NEK7: variants seen among roughly 807,000 people sequenced by gnomAD.
NEK7 encodes NIMA related kinase 7.
Under a neutral mutation model 44.6 loss-of-function variants are expected in NEK7, and 18 were observed. The observed-to-expected ratio is 0.40, with a 90% CI of 0.28 to 0.60. NEK7 has a LOEUF of 0.60. Among genes scored for constraint, NEK7 ranks in the 20% least tolerant of loss-of-function variants. The probability of loss-of-function intolerance (pLI) is 0.38; values close to 1 mark genes in which losing one functional copy is unlikely to be tolerated. For missense variants in NEK7, 256 were observed against 366.5 expected (o/e 0.70, Z 2.46); for synonymous variants, 130 against 121.1 (o/e 1.07, Z -0.48).
intron 2 of NEK7, among the ~76,000 whole-genome samples, chr1:198,247,860 G>A (rs11588135): frequency 0.18 from 26,649 of 152,046 alleles, 3,387 homozygotes; most frequent in African/African-American, 0.33. Flanking sequence ...AGTGTTGCCC[G>A]TATATCAAAA....
At chr1:198,276,462 G>A (rs1654021779) in intron 5 of NEK7, among the ~76,000 whole-genome samples, 1 of 151,612 alleles carries the variant, frequency 6.6e-6, no homozygotes, top group Non-Finnish European at 1.5e-5. Flanking sequence ...TTCCAAGTCT[G>A]AAAGAAAATT....
At chr1:198,255,450 A>T (rs1346343519) in intron 3 of NEK7, among the ~76,000 whole-genome samples, 1 of 152,094 alleles carries the variant, frequency 6.6e-6, no homozygotes, top group African/African-American at 2.4e-5. Flanking sequence ...TCTAGTGATT[A>T]TATTTTACAT....
chr1:198,217,156 T>A (rs917942421), intron 1 of NEK7, among the ~76,000 whole-genome samples: 2 of 151,902 alleles, frequency 1.3e-5, no homozygotes, highest in African/African-American at 4.8e-5. Context: ...ACTGAAAAAG[T>A]AAACTGCGGA....
chr1:198,212,279 G>A (rs1037262748), intron 1 of NEK7, among the ~76,000 whole-genome samples: 4 of 152,210 alleles, frequency 2.6e-5, no homozygotes, highest in East Asian at 1.9e-4. Flanking sequence ...TGTGTCACAG[G>A]TGTTGGACCA....
At position 198,177,758 on chromosome 1, in the gene NEK7, T is replaced by C. The variant is rs78747399; in HGVS notation, c.-29+20482T>C. On this transcript the variant is annotated intron_variant, in intron 1 of 9. Coordinates refer to ENST00000367385, the MANE Select transcript of NEK7 (RefSeq NM_133494.3). Reference sequence around the variant, plus strand: ...CAGTTCCTCAGCTAACCTCGGGTTGTGTGCCAGAAGAAGGATTTCAGTTTT... The same window carrying C: ...CAGTTCCTCAGCTAACCTCGGGTTGCGTGCCAGAAGAAGGATTTCAGTTTT... Among the ~76,000 whole-genome samples, 17 of 152,130 alleles carry C rather than the reference T, an allele frequency of 1.1e-4. No homozygotes were observed. The East Asian group carries it at 3.3e-3, about 29-fold the overall frequency.
intron 1 of NEK7, among the ~76,000 whole-genome samples, chr1:198,226,728 CT>C (rs199662655): frequency 0.34 from 50,867 of 151,644 alleles, 9,733 homozygotes; most frequent in East Asian, 0.8. Flanking sequence ...AGAAGGAGTC[CT>C]TCTAACAATC....
At chr1:198,226,210 A>G (rs1666219814) in intron 1 of NEK7, among the ~76,000 whole-genome samples, 1 of 152,134 alleles carries the variant, frequency 6.6e-6, no homozygotes, top group Admixed American at 6.5e-5. Flanking sequence ...AATGGTGTTA[A>G]ATCAATATGT....
At chr1:198,186,339 G>T (rs778673672) in intron 1 of NEK7, among the ~76,000 whole-genome samples, 8 of 152,120 alleles carry the variant, frequency 5.3e-5, no homozygotes, top group Non-Finnish European at 1.0e-4. Context: ...TTTACCTTTA[G>T]AATTTCCTTT....
intron 1 of NEK7, among the ~76,000 whole-genome samples, chr1:198,211,882 ACAGTAG>A (rs914457452): frequency 2.6e-5 from 4 of 152,234 alleles, no homozygotes; most frequent in African/African-American, 9.6e-5. Context: ...GACGCAGTGG[ACAGTAG>A]CACCATGAAC....
chr1:198,165,947 A>G (rs1219159427), intron 1 of NEK7, among the ~76,000 whole-genome samples: 1 of 152,236 alleles, frequency 6.6e-6, no homozygotes, highest in African/African-American at 2.4e-5. Flanking sequence ...TGCTGCTTCA[A>G]CTTGCATTTT....
At chr1:198,315,169 C>T (rs1571625979) in intron 9 of NEK7, among the ~76,000 whole-genome samples, 1 of 152,192 alleles carries the variant, frequency 6.6e-6, no homozygotes, top group South Asian at 2.1e-4. Context: ...CGGAAAAGCG[C>T]AGTATTCAGG....
chr1:198,184,606 A>C (rs1664862595), intron 1 of NEK7, among the ~76,000 whole-genome samples: 1 of 152,194 alleles, frequency 6.6e-6, no homozygotes, highest in Non-Finnish European at 1.5e-5. Context: ...ACACATGCAC[A>C]CAATGCAACA....
chr1:198,229,946 C>T (rs977543397), intron 1 of NEK7, among the ~76,000 whole-genome samples: 1 of 152,094 alleles, frequency 6.6e-6, no homozygotes, highest in African/African-American at 2.4e-5. Context: ...TTTATTATAA[C>T]CTAGTACAGA....
intron 1 of NEK7, among the ~76,000 whole-genome samples, chr1:198,209,068 CAT>C (rs200762945): frequency 2.1e-4 from 31 of 148,346 alleles, no homozygotes; most frequent in African/African-American, 4.2e-4. Context: ...TACACACACA[CAT>C]ACGCACATAT....
intron 5 of NEK7, among the ~76,000 whole-genome samples, chr1:198,274,794 A>T (rs116716893): frequency 0.025 from 3,732 of 151,838 alleles, 74 homozygotes; most frequent in African/African-American, 0.046. Flanking sequence ...GGTCTTGGTC[A>T]TTTAATTTGT....
chr1:198,266,212 A>G (rs1370317869), intron 5 of NEK7, among the ~76,000 whole-genome samples: 1 of 152,080 alleles, frequency 6.6e-6, no homozygotes, highest in Non-Finnish European at 1.5e-5. Flanking sequence ...CCTTATCTAC[A>G]TCAATACAAC....
chr1:198,319,471 C>G lies in NEK7; in HGVS notation c.858C>G (p.Thr286=). 3.7e-6 allele frequency: 6 copies of G among 1,612,964 alleles called. No individual in the cohort carries two copies. Among genetic ancestry groups the G allele is most frequent in the Non-Finnish European group, 5.1e-6 (6 of 1,179,202 alleles). Residue 286 remains threonine, a synonymous_variant, in exon 10 of 10, where the codon ACC becomes ACG. Transcript: ENST00000367385. Reference sequence around the variant, plus strand: ...ATCCAGAGAAGCGACCAGACGTCACCTATGTTTATGACGTAGCAAAGAGGA... The same window carrying G: ...ATCCAGAGAAGCGACCAGACGTCACGTATGTTTATGACGTAGCAAAGAGGA... ...NPDPEKRPDV[T]YVYDVAKRMH... is the part of the protein sequence containing the mutation.
At chr1:198,171,292 A>G (rs1369354106) in intron 1 of NEK7, among the ~76,000 whole-genome samples, 1 of 152,142 alleles carries the variant, frequency 6.6e-6, no homozygotes, top group African/African-American at 2.4e-5. Flanking sequence ...TTTTTAAAGA[A>G]ATGCTTCTCT....
At chr1:198,172,129 A>G (rs2102722046) in intron 1 of NEK7, among the ~76,000 whole-genome samples, 1 of 152,316 alleles carries the variant, frequency 6.6e-6, no homozygotes, top group Middle Eastern at 3.4e-3. Flanking sequence ...AAACGAGTTA[A>G]TGAATGAGCT....
Sources: allele counts gnomAD v4.1 joint callset (sites outside exome capture counted in the v4.1 genomes callset), GRCh38; gene constraint gnomAD v4.1.1; transcripts MANE v1.5; gene names NCBI Gene and HGNC (gene_info 2026-07-23, HGNC 2026-07-21).